Variants in FILIP1L observed in about 807,000 individuals in gnomAD.
FILIP1L encodes the protein filamin A interacting protein 1 like, also known as filamin A-interacting protein 1-like.
A neutral mutation model predicts 96.6 loss-of-function variants in FILIP1L; 55 were observed. That is an observed-to-expected ratio of 0.57 (90% CI 0.46 to 0.71). FILIP1L has a LOEUF of 0.71. Ranked by LOEUF, FILIP1L falls within the 30% of genes least tolerant of loss-of-function variation. The probability of loss-of-function intolerance (pLI) is 0.00; values close to 1 mark genes in which losing one functional copy is unlikely to be tolerated. For synonymous variants in FILIP1L, 467 were observed against 473.9 expected (o/e 0.99, Z 0.19); for missense variants, 1,304 against 1,321.2 (o/e 0.99, Z 0.20).
At chr3:99,831,500 G>A (rs1576492709) in intron 5 of FILIP1L, among the ~76,000 whole-genome samples, 1 of 152,214 alleles carries the variant, frequency 6.6e-6, no homozygotes, top group African/African-American at 2.4e-5. Flanking sequence ...AAACAACTTG[G>A]AGATCAGGAC....
rs545356638 is a variant in FILIP1L, at chr3:100,066,517, CTTTTTTTTTTTTTTTTTTTT to C, written c.-11+47516_-11+47535del. Among the ~76,000 whole-genome samples, 4 of 38,318 alleles carry C rather than the reference CTTTTTTTTTTTTTTTTTTTT, an allele frequency of 1.0e-4. 1 individual carries two copies. In the East Asian group the frequency reaches 3.3e-3, roughly 31 times the overall value. 25.1% of individuals were successfully genotyped at this position (38,318 alleles called of 152,430 possible). On this transcript the variant is annotated intron_variant, in intron 1 of 5. Coordinates refer to ENST00000477258, the MANE Select transcript of FILIP1L (RefSeq NM_001387850.1). ...AAGGATGATGTGGAAGGCTTTGCTT[CTTTTTTTTTTTTTTTTTTTT>C]TTTTTTTTTTTTGAGACGGAGTCTC...
intron 1 of FILIP1L, among the ~76,000 whole-genome samples, chr3:100,068,541 A>G (rs1325763677): frequency 6.6e-6 from 1 of 152,244 alleles, no homozygotes; most frequent in East Asian, 1.9e-4. Flanking sequence ...GGTGCTGCCA[A>G]AGAACCCACT....
chr3:99,926,158 T>G (rs573926403), intron 3 of FILIP1L, among the ~76,000 whole-genome samples: 48 of 152,328 alleles, frequency 3.2e-4, no homozygotes, highest in African/African-American at 1.2e-3. Context: ...TGACTAGAAA[T>G]GTACTTGACT....
chr3:99,995,595 A>C (rs1709654421), intron 1 of FILIP1L, among the ~76,000 whole-genome samples: 1 of 152,220 alleles, frequency 6.6e-6, no homozygotes, highest in Admixed American at 6.5e-5. Context: ...ACACTGCCCT[A>C]GCAGAGGTTC....
intron 4 of FILIP1L, among the ~76,000 whole-genome samples, chr3:99,915,047 CA>C (rs1706909117): frequency 6.6e-6 from 1 of 152,148 alleles, no homozygotes; most frequent in African/African-American, 2.4e-5. Flanking sequence ...CTTTTAGGAT[CA>C]TTTTTTTTCT....
At chr3:99,947,163 A>G (rs2107683658) in intron 1 of FILIP1L, among the ~76,000 whole-genome samples, 1 of 150,994 alleles carries the variant, frequency 6.6e-6, no homozygotes, top group East Asian at 1.9e-4. Flanking sequence ...AAAAAGTAAT[A>G]ATATATTCAG....
At chr3:99,949,002 T>C (rs1261944228) in intron 1 of FILIP1L, among the ~76,000 whole-genome samples, 3 of 152,192 alleles carry the variant, frequency 2.0e-5, no homozygotes, top group Non-Finnish European at 2.9e-5. Flanking sequence ...TTTCAAGATA[T>C]ATCCAGAATC....
At chr3:100,082,636 G>A (rs755308878) in intron 1 of FILIP1L, among the ~76,000 whole-genome samples, 6 of 152,040 alleles carry the variant, frequency 3.9e-5, no homozygotes, top group Non-Finnish European at 7.4e-5. Context: ...GGTCCCACAG[G>A]GTAACTATTT....
intron 1 of FILIP1L, among the ~76,000 whole-genome samples, chr3:99,972,122 C>G (rs1378250138): frequency 6.6e-6 from 1 of 152,154 alleles, no homozygotes; most frequent in Non-Finnish European, 1.5e-5. Flanking sequence ...AGTGATATTG[C>G]AGACATATAA....
At chr3:100,085,707 A>G (rs750342675) in intron 1 of FILIP1L, among the ~76,000 whole-genome samples, 5 of 152,158 alleles carry the variant, frequency 3.3e-5, no homozygotes, top group Non-Finnish European at 5.9e-5. Context: ...CAGCCACTGC[A>G]GTGTTCTGTC....
Position 99,850,402 on chromosome 3 carries a change from A to G in FILIP1L, c.1274T>C (p.Met425Thr), listed in dbSNP as rs773217518. 3 of 1,613,694 alleles carry G rather than the reference A, an allele frequency of 1.9e-6. No individual in the cohort carries two copies. The highest frequency in any genetic ancestry group is 1.3e-5 in the African/African-American group (1 of 74,884). The part of the protein sequence containing the change: ...LEVEKLSKRI[M>T]ALEKLEDAFN... ...AGCGTCTTCTAACTTTTCCAGAGCC[A>G]TAATTCTTTTACTGAGTTTTTCAAC... The change falls in exon 5 of 6, where the codon ATG (methionine) becomes ACG (threonine). Residue 425 changes from methionine to threonine, a missense_variant. Physicochemically the swap from Met to Thr is moderately conservative, Grantham distance 81. Coordinates refer to ENST00000477258, the MANE Select transcript of FILIP1L (RefSeq NM_001387850.1).
At chr3:100,083,689 T>C (rs906257144) in intron 1 of FILIP1L, among the ~76,000 whole-genome samples, 2 of 152,248 alleles carry the variant, frequency 1.3e-5, no homozygotes, top group Non-Finnish European at 2.9e-5. Flanking sequence ...CAGTCTTAAC[T>C]AAATTGTGTT....
chr3:100,064,357 C>T (rs1056772442), intron 1 of FILIP1L, among the ~76,000 whole-genome samples: 9 of 151,976 alleles, frequency 5.9e-5, no homozygotes, highest in African/African-American at 1.7e-4. Flanking sequence ...CCCAGTCCCA[C>T]GGCCTCTCTT....
chr3:100,037,056 G>C (rs1407090228), intron 1 of FILIP1L, among the ~76,000 whole-genome samples: 2 of 152,150 alleles, frequency 1.3e-5, no homozygotes, highest in African/African-American at 4.8e-5. Context: ...AAATGTGTGG[G>C]TTCTTTCATT....
At chr3:99,869,668 T>A (rs1944692224) in intron 4 of FILIP1L, among the ~76,000 whole-genome samples, 1 of 152,180 alleles carries the variant, frequency 6.6e-6, no homozygotes, top group African/African-American at 2.4e-5. Context: ...TTCCTTTTCT[T>A]CAAATTTAAC....
In FILIP1L at chr3:99,849,343, C is replaced by A. The variant is rs1298284284; in HGVS notation, c.2333G>T (p.Ser778Ile). 1.2e-6 allele frequency: 2 copies of A among 1,614,096 alleles called. No homozygotes were observed. The highest frequency in any genetic ancestry group is 1.1e-5 in the South Asian group (1 of 91,084). Residue 778 changes from serine to isoleucine, a missense_variant, in exon 5 of 6, where the codon AGT becomes ATT. Transcript: ENST00000477258. ...TKELERYRHF[S>I]KSLRPSLNGR... ...ATTGAGACTAGGCCTGAGGCTCTTA[C>A]TGAAATGCCGGTACCTCTCTAACTC...
intron 4 of FILIP1L, among the ~76,000 whole-genome samples, chr3:99,871,981 T>C (rs974119655): frequency 6.6e-6 from 1 of 152,154 alleles, no homozygotes; most frequent in Non-Finnish European, 1.5e-5. Context: ...ACTTTGAACC[T>C]TTCTACTTTC....
intron 1 of FILIP1L, among the ~76,000 whole-genome samples, chr3:99,959,525 G>A (rs749106652): frequency 1.4e-4 from 21 of 152,150 alleles, no homozygotes; most frequent in Non-Finnish European, 2.6e-4. Flanking sequence ...TTTAATTTGT[G>A]TGTAGCTCTA....
intron 1 of FILIP1L, among the ~76,000 whole-genome samples, chr3:100,046,015 C>T (rs2065273476): frequency 6.6e-6 from 1 of 152,068 alleles, no homozygotes. Context: ...AACATGTTTG[C>T]CACATGCTTG....
Sources: allele counts gnomAD v4.1 joint callset (sites outside exome capture counted in the v4.1 genomes callset), GRCh38; gene constraint gnomAD v4.1.1; transcripts MANE v1.5; gene names NCBI Gene and HGNC (gene_info 2026-07-23, HGNC 2026-07-21).